RGPD4: variants seen among roughly 807,000 people sequenced by gnomAD.
The protein encoded by RGPD4 is ranBP2-like and GRIP domain-containing protein 4.
A neutral mutation model predicts 141.1 loss-of-function variants in RGPD4; 84 were observed. The observed-to-expected ratio is 0.60, with a 90% CI of 0.50 to 0.71. The LOEUF is 0.71. RGPD4 is among the 30% of genes least tolerant of loss of function. RGPD4 has a pLI of 0.00. For synonymous variants in RGPD4, 298 were observed against 566.8 expected (o/e 0.53, Z 6.74); for missense variants, 918 against 1,622.4 (o/e 0.57, Z 7.46).
chr2:107,854,817 T>G (rs1348711591), intron 8 of RGPD4, among the ~76,000 whole-genome samples, 174 bp downstream of exon 8: 1 of 151,868 alleles, frequency 6.6e-6, no homozygotes, highest in African/African-American at 2.4e-5. Context: ...AGCACATTCT[T>G]TTAAAAAAAT....
intron 20 of RGPD4, among the ~76,000 whole-genome samples, chr2:107,877,754 AATTT>A (rs1209449947): frequency 2.0e-5 from 3 of 151,780 alleles, no homozygotes; most frequent in African/African-American, 7.3e-5. Context: ...AGTAGCAATT[AATTT>A]ATAGCTGCTA....
intron 1 of RGPD4, among the ~76,000 whole-genome samples, chr2:107,830,346 A>T (rs1223273418): frequency 1.8e-4 from 3 of 17,028 alleles, no homozygotes; most frequent in Non-Finnish European, 5.1e-4. Flanking sequence ...ACAAGCTTAA[A>T]AAAAAAAAAA....
chr2:107,882,415 A>C (rs1474112714), intron 21 of RGPD4, among the ~76,000 whole-genome samples: 2 of 151,672 alleles, frequency 1.3e-5, no homozygotes, highest in African/African-American at 2.4e-5. Context: ...TCCACTTTCT[A>C]GGCAAATGCA....
chr2:107,878,237 C>T (rs1683147208), intron 20 of RGPD4, among the ~76,000 whole-genome samples: 1 of 151,372 alleles, frequency 6.6e-6, no homozygotes, highest in Non-Finnish European at 1.5e-5. Context: ...TCTGTAAGGC[C>T]GAATCAATAG....
At position 107,890,409 on chromosome 2, in the gene RGPD4, A is replaced by G. The variant is rs546750954; in HGVS notation, c.5267-312A>G. On this transcript the variant is annotated intron_variant, in intron 22 of 22. Coordinates refer to ENST00000408999, the MANE Select transcript of RGPD4 (RefSeq NM_182588.3). ...CAAAAAAACAAAAAATTACCCAGGC[A>G]TGGTGGCACACACCTTGTGGTCCCA... Among the ~76,000 whole-genome samples the G allele has an allele frequency of 2.3e-4, 32 of 140,454 alleles. 1 individual carries two copies. In the East Asian group the frequency reaches 6.0e-3, roughly 26 times the overall value. 92.1% of individuals were successfully genotyped at this position (140,454 alleles called of 152,430 possible).
chr2:107,886,298 T>TAA (rs201117721), intron 22 of RGPD4, among the ~76,000 whole-genome samples: 154 of 80,206 alleles, frequency 1.9e-3, no homozygotes, highest in African/African-American at 6.5e-3. Context: ...CAAGCAGTAT[T>TAA]AAAAAAAAAA....
In RGPD4 at chr2:107,885,278, ATAAC is replaced by A. The variant is rs1198933223; in HGVS notation, c.5266+2409_5266+2412del. On this transcript the variant is annotated intron_variant, in intron 22 of 22. Coordinates refer to ENST00000408999, the MANE Select transcript of RGPD4 (RefSeq NM_182588.3). ...AAAACAAGACAGAAATCTCAAAATT[ATAAC>A]TAATTTTATAGTTATAAAATTAACC... Among the ~76,000 whole-genome samples the A allele has an allele frequency of 5.3e-5, 8 of 152,184 alleles. No individual in the cohort carries two copies. The South Asian group carries it at 1.7e-3, about 31-fold the overall frequency.
intron 19 of RGPD4, 114 bp from the exon 20 acceptor site, chr2:107,870,591 A>G: frequency 4.7e-6 from 4 of 859,598 alleles, no homozygotes; most frequent in South Asian, 1.8e-5. Context: ...CATCATCATC[A>G]TCATCATTAT....
chr2:107,840,303 A>G (rs1474436535), intron 4 of RGPD4, among the ~76,000 whole-genome samples: 28 of 151,454 alleles, frequency 1.8e-4, no homozygotes, highest in African/African-American at 6.5e-4. Flanking sequence ...GAAATGTGTG[A>G]CTTTTTTTTT....
intron 6 of RGPD4, among the ~76,000 whole-genome samples, chr2:107,844,530 A>G (rs1681847227): frequency 6.6e-6 from 1 of 151,724 alleles, no homozygotes; most frequent in Non-Finnish European, 1.5e-5. Flanking sequence ...TAGGCTGTCC[A>G]TTTGTTTGGA....
chr2:107,885,802 C>T (rs550021489), intron 22 of RGPD4, among the ~76,000 whole-genome samples: 1 of 151,936 alleles, frequency 6.6e-6, no homozygotes, highest in South Asian at 2.1e-4. Context: ...ACCTGTAATC[C>T]AGCACTTTGG....
chr2:107,829,863 C>G (rs1389952863), intron 1 of RGPD4, among the ~76,000 whole-genome samples: 2 of 152,006 alleles, frequency 1.3e-5, no homozygotes, highest in Non-Finnish European at 2.9e-5. Context: ...GCTGTATCGG[C>G]GGGTTTCTTC....
chr2:107,858,222 T>C (rs1682396241), intron 9 of RGPD4, among the ~76,000 whole-genome samples: 1 of 151,976 alleles, frequency 6.6e-6, no homozygotes. Context: ...TTTTCCACTG[T>C]TAATAATCAT....
In RGPD4 at chr2:107,826,905, G is replaced by A. The variant is rs1017020008; in HGVS notation, c.-109G>A. ...CACAAGTTCGTCACAGTGGTCCTCC[G>A]CCGGCTACGCGGAGTCAGTGGCTTT... On this transcript the variant is annotated 5_prime_UTR_variant, in exon 1 of 23. Transcript: ENST00000408999. 1.0e-5 allele frequency: 16 copies of A among 1,543,230 alleles called. No homozygotes were observed. The highest frequency in any genetic ancestry group is 2.5e-5 in the East Asian group (1 of 40,514).
chr2:107,849,375 T>C (rs1682054245), intron 7 of RGPD4, among the ~76,000 whole-genome samples: 1 of 135,802 alleles, frequency 7.4e-6, no homozygotes, highest in Non-Finnish European at 1.6e-5. Context: ...TTTTTTTTTT[T>C]TTTTTTTTTG....
chr2:107,873,635 A>G (rs939809855), intron 20 of RGPD4, among the ~76,000 whole-genome samples: 1 of 150,812 alleles, frequency 6.6e-6, no homozygotes, highest in African/African-American at 2.5e-5. Context: ...TATGTGTTGT[A>G]TGTCAGTCTT....
intron 7 of RGPD4, among the ~76,000 whole-genome samples, chr2:107,849,339 G>T (rs1682051147): frequency 9.8e-6 from 1 of 102,118 alleles, no homozygotes; most frequent in Admixed American, 1.0e-4. Flanking sequence ...CAGGCGCGAG[G>T]CACTGCGCCT....
At chr2:107,881,091 T>C (rs2104515729) in intron 21 of RGPD4, among the ~76,000 whole-genome samples, 1 of 150,454 alleles carries the variant, frequency 6.6e-6, no homozygotes, top group Non-Finnish European at 1.5e-5. Flanking sequence ...ACTTTGCTGC[T>C]CCTAATAGAT....
intron 19 of RGPD4, among the ~76,000 whole-genome samples, 164 bp downstream of exon 19, chr2:107,870,141 C>A (rs1682855161): frequency 6.7e-6 from 1 of 149,720 alleles, no homozygotes; most frequent in Admixed American, 6.7e-5. Flanking sequence ...CCTTCTTAGT[C>A]ACCTTATTTT....
Sources: allele counts gnomAD v4.1 joint callset (sites outside exome capture counted in the v4.1 genomes callset), GRCh38; gene constraint gnomAD v4.1.1; transcripts MANE v1.5; gene names NCBI Gene and HGNC (gene_info 2026-07-23, HGNC 2026-07-21).